GPR84: variants seen among roughly 807,000 people sequenced by gnomAD.
GPR84 encodes the protein G protein-coupled receptor 84.
Under a neutral mutation model 14.9 loss-of-function variants are expected in GPR84, and 8 were observed. The observed-to-expected ratio is 0.54, with a 90% CI of 0.31 to 0.97. GPR84 has a LOEUF of 0.97. GPR84 is among the 50% of genes least tolerant of loss of function. GPR84 has a pLI of 0.04. For synonymous variants in GPR84, 164 were observed against 198.1 expected (o/e 0.83, Z 1.45); for missense variants, 424 against 498.7 (o/e 0.85, Z 1.43).
At chr12:54,352,491 C>T in the GPR84 span, among the ~76,000 whole-genome samples, 1 of 152,140 alleles carries the variant, frequency 6.6e-6, no homozygotes, top group Non-Finnish European at 1.5e-5. Context: ...GTTTTCTTTC[C>T]CCCTTCCTCT....
At chr12:54,361,245 G>A (rs1373074892), downstream of GPR84, among the ~76,000 whole-genome samples, 7 of 152,022 alleles carry the variant, frequency 4.6e-5, no homozygotes, top group South Asian at 1.0e-3. This position sits in a 1 kb window ranked among gnomAD's most constrained non-coding sequence, Gnocchi z 4.3. Flanking sequence ...GCAGTGGCGC[G>A]ATCTCGGTTC....
Position 54,363,018 on chromosome 12 carries a change from G to T in GPR84, c.834C>A (p.Ile278=), listed in dbSNP as rs112159330. The T allele has an allele frequency of 6.2e-7, 1 of 1,614,042 alleles. No individual in the cohort carries two copies. Among genetic ancestry groups the T allele is most frequent in the Non-Finnish European group, 8.5e-7 (1 of 1,180,020 alleles). The change falls in exon 2 of 2, where the codon ATC becomes ATA. Residue 278 remains isoleucine (I), a synonymous_variant. Transcript: ENST00000267015. ...EGDSSEVGDQ[I]NSKRAKQMAE... ...CCATCTGCTTAGCTCTCTTGCTGTTGATCTGGTCTCCCACTTCTGATGAGT... is the reference window on the plus strand; with the variant it reads ...CCATCTGCTTAGCTCTCTTGCTGTTTATCTGGTCTCCCACTTCTGATGAGT...
chr12:54,363,294 G>T lies in GPR84; in HGVS notation c.558C>A (p.Tyr186Ter), dbSNP rs1468685014. ...CAACACTGCTGAGCCCAAGCACAAA[G>T]TAGATGCCCATGAGGATGGTGGTGT... ...RPYTTILMGIYFVLGLSSVGI... is the reference protein window; with the variant it reads ...RPYTTILMGI The change falls in exon 2 of 2, where the codon TAC (tyrosine) becomes TAA (stop). Residue 186 changes from tyrosine (Y) to a stop codon, truncating the protein, a stop_gained. Coordinates refer to ENST00000267015, the MANE Select transcript of GPR84 (RefSeq NM_020370.3). LOFTEE classifies it low-confidence loss of function (END_TRUNC). 1 of 1,614,092 alleles carries T rather than the reference G, an allele frequency of 6.2e-7. No homozygotes were observed. Among genetic ancestry groups the T allele is most frequent in the East Asian group, 2.2e-5 (1 of 44,896 alleles).
rs1048176152 is a variant in GPR84 at position 54,362,991 on chromosome 12, T to A, written c.861A>T (p.Ala287=). ...QINSKRAKQM[A]EKSPPEASAK... is the part of the protein sequence containing the mutation. Reference sequence around the variant, plus strand: ...CAGATGCTTCTGGAGGGCTTTTCTCTGCCATCTGCTTAGCTCTCTTGCTGT... The same window carrying A: ...CAGATGCTTCTGGAGGGCTTTTCTCAGCCATCTGCTTAGCTCTCTTGCTGT... The change falls in exon 2 of 2, where the codon GCA becomes GCT. Residue 287 remains alanine, a synonymous_variant. Transcript: ENST00000267015. This position sits in a 1 kb window ranked among gnomAD's most constrained non-coding sequence, Gnocchi z 4.0. The A allele has an allele frequency of 1.2e-6, 2 of 1,614,250 alleles. No individual in the cohort carries two copies. The highest frequency in any genetic ancestry group is 1.7e-6 in the Non-Finnish European group (2 of 1,180,038).
At position 54,363,337 on chromosome 12, in the gene GPR84, C is replaced by T. The variant is rs746097835; in HGVS notation, c.515G>A (p.Arg172His). ...VPVVCTCSFD[R>H]IRGRPYTTIL... is the part of the protein sequence containing the mutation. ...GGTGGTGTAAGGCCGGCCTCGGATG[C>T]GGTCAAAGCTGCAGGTGCAGACTAC... The change falls in exon 2 of 2, where the codon CGC becomes CAC. Residue 172 changes from arginine to histidine, a missense_variant. Physicochemically the swap from Arg to His is conservative, Grantham distance 29 (BLOSUM62 0). Transcript: ENST00000267015. 8.7e-6 allele frequency: 14 copies of T among 1,613,952 alleles called. No individual in the cohort carries two copies. The highest frequency in any genetic ancestry group is 4.0e-5 in the African/African-American group (3 of 74,920).
the GPR84 span, among the ~76,000 whole-genome samples, chr12:54,354,525 C>T: frequency 6.6e-5 from 10 of 151,466 alleles, no homozygotes; most frequent in South Asian, 2.1e-4. Flanking sequence ...CTCCGCCTCC[C>T]GGGTTCAAGC....
chr12:54,353,449 CT>C, the GPR84 span, among the ~76,000 whole-genome samples: 13 of 150,852 alleles, frequency 8.6e-5, no homozygotes, highest in African/African-American at 2.9e-4. Context: ...CCCCACCCCC[CT>C]ATGTCTATTC....
Position 54,363,292 on chromosome 12 carries a change from A to G in GPR84, c.560T>C (p.Phe187Ser). The G allele has an allele frequency of 1.2e-6, 2 of 1,614,170 alleles. No homozygotes were observed. Among genetic ancestry groups the G allele is most frequent in the Non-Finnish European group, 1.7e-6 (2 of 1,180,034 alleles). Residue 187 changes from phenylalanine to serine, a missense_variant, in exon 2 of 2, where the codon TTT becomes TCT. Transcript: ENST00000267015. ...GCCAACACTGCTGAGCCCAAGCACA[A>G]AGTAGATGCCCATGAGGATGGTGGT... ...PYTTILMGIY[F>S]VLGLSSVGIF...
the GPR84 span, among the ~76,000 whole-genome samples, chr12:54,355,515 A>G: frequency 6.6e-6 from 1 of 152,064 alleles, no homozygotes; most frequent in Non-Finnish European, 1.5e-5. Flanking sequence ...GTATTTCCAC[A>G]ACTCGGCAAT....
chr12:54,353,948 T>C, the GPR84 span: 1 of 152,206 alleles, frequency 6.6e-6, no homozygotes, highest in African/African-American at 2.4e-5. Flanking sequence ...ATCACATCTT[T>C]CTGGCTGAGC....
the GPR84 span, among the ~76,000 whole-genome samples, chr12:54,353,010 GGGTGGT>G: frequency 6.6e-6 from 1 of 152,212 alleles, no homozygotes; most frequent in African/African-American, 2.4e-5. Context: ...TGCCAGAGCT[GGGTGGT>G]GGTGATCTGT....
chr12:54,353,298 T>G, the GPR84 span, among the ~76,000 whole-genome samples: 2 of 152,216 alleles, frequency 1.3e-5, no homozygotes, highest in Non-Finnish European at 2.9e-5. Flanking sequence ...TTTCTGTTTG[T>G]GAGCCTTTCC....
chr12:54,363,820 C>G lies in GPR84; in HGVS notation c.32G>C (p.Cys11Ser). The change falls in exon 2 of 2, where the codon TGC (cysteine) becomes TCC (serine). Residue 11 changes from cysteine (C) to serine (S), a missense_variant. Coordinates refer to ENST00000267015, the MANE Select transcript of GPR84 (RefSeq NM_020370.3). The stretch of plus-strand genomic sequence containing the variant: ...ATAGCCCAGCACAGACTCATGGTAG[C>G]AGGAGAAGTTGGCGTCAGAGCTGTT... MWNSSDANFS[C>S]YHESVLGYRY... is the part of the protein sequence containing the mutation. The G allele has an allele frequency of 6.2e-7, 1 of 1,603,304 alleles. No individual in the cohort carries two copies. Among genetic ancestry groups the G allele is most frequent in the Non-Finnish European group, 8.5e-7 (1 of 1,173,270 alleles).
At chr12:54,362,082 A>T (rs1222880746), downstream of GPR84, among the ~76,000 whole-genome samples, 1 of 152,254 alleles carries the variant, frequency 6.6e-6, no homozygotes, top group Non-Finnish European at 1.5e-5. The surrounding 1 kb of genome is among the most constrained non-coding windows in gnomAD (Gnocchi z 4.0). Flanking sequence ...ACTTGTTTGT[A>T]GGGATGGCGG....
chr12:54,352,466 C>T, the GPR84 span, among the ~76,000 whole-genome samples: 1 of 152,062 alleles, frequency 6.6e-6, no homozygotes, highest in Non-Finnish European at 1.5e-5. Flanking sequence ...GTTGCCGCGG[C>T]GACAGAATGC....
chr12:54,357,781 T>C (rs1229298956), downstream of GPR84, among the ~76,000 whole-genome samples: 1 of 152,120 alleles, frequency 6.6e-6, no homozygotes, highest in African/African-American at 2.4e-5. Context: ...CCCCTATTCC[T>C]CAGCAACTGA....
At chr12:54,363,938 C>CCCTGGACATCTAAACTGTT (rs1439071112) in intron 1 of GPR84, 79 bp from the exon 2 acceptor site, 1 of 904,724 alleles carries the variant, frequency 1.1e-6, no homozygotes, top group African/African-American at 1.7e-5. Context: ...AGTTCTGGGA[C>CCCTGGACATCTAAACTGTT]CCTGGACATC....
Position 54,363,715 on chromosome 12 carries a change from G to GC in GPR84, c.136dup (p.Ala46GlyfsTer21). The GC allele has an allele frequency of 1.2e-6, 2 of 1,613,934 alleles. No individual in the cohort carries two copies. The highest frequency in any genetic ancestry group is 1.7e-6 in the Non-Finnish European group (2 of 1,179,906). On this transcript the variant is annotated frameshift_variant, in exon 2 of 2. Transcript: ENST00000267015. LOFTEE classifies it high-confidence loss of function. ...TCGGGTACGGAGCTTGGGCTGGATGGCCAAGGCCAGTAGGGTGAGCACATT... is the reference window on the plus strand; with the variant it reads ...TCGGGTACGGAGCTTGGGCTGGATGGCCCAAGGCCAGTAGGGTGAGCACATT...
At chr12:54,355,327 A>AGAGTGT in the GPR84 span, among the ~76,000 whole-genome samples, 1 of 146,940 alleles carries the variant, frequency 6.8e-6, no homozygotes, top group African/African-American at 2.5e-5. Flanking sequence ...TGTGTGTGTG[A>AGAGTGT]GTGTGTGTGT....
Sources: gnomAD v4.1 joint callset for allele counts (sites outside exome capture counted in the v4.1 genomes callset) on GRCh38, gnomAD v4.1.1 for gene constraint, Gnocchi (gnomAD v3.1) non-coding constraint, MANE v1.5 for transcripts, NCBI Gene and HGNC (gene_info 2026-07-23, HGNC 2026-07-21) for gene names.